The following HAUS5 variants were observed in gnomAD, a reference collection of about 807,000 sequenced individuals.
The protein encoded by HAUS5 is HAUS augmin like complex subunit 5.
Under a neutral mutation model 94.1 loss-of-function variants are expected in HAUS5, and 67 were observed. The ratio of observed to expected loss-of-function variants is 0.71; its 90% CI spans 0.58 to 0.87. HAUS5 has a LOEUF of 0.87. Ranked by LOEUF, HAUS5 falls within the 40% of genes least tolerant of loss-of-function variation. The pLI is 0.00. For missense variants in HAUS5, 739 were observed against 825.6 expected (o/e 0.90, Z 1.29); for synonymous variants, 339 against 355.4 (o/e 0.95, Z 0.52).
rs772084366 is a variant in HAUS5 at position 35,619,417 on chromosome 19, T to G, written c.1180-7T>G. The G allele has an allele frequency of 6.3e-7, 1 of 1,576,726 alleles. No individual in the cohort carries two copies. The highest frequency in any genetic ancestry group is 1.3e-5 in the African/African-American group (1 of 74,300). The stretch of plus-strand genomic sequence containing the variant: ...GGAGTGGGTCTCAGGGTATCCTGGT[T>G]CCTCAGGAGGAGACCCAGGAACAGG... On this transcript the variant is annotated splice_polypyrimidine_tract_variant and splice_region_variant and intron_variant, in intron 13 of 18. Coordinates refer to ENST00000203166, the MANE Select transcript of HAUS5 (RefSeq NM_015302.2).
At position 35,619,714 on chromosome 19, in the gene HAUS5, G is replaced by A; in HGVS notation, c.1362G>A (p.Leu454=). The change falls in exon 15 of 19, where the codon TTG becomes TTA. Residue 454 remains leucine, a synonymous_variant. Transcript: ENST00000203166. Reference sequence around the variant, plus strand: ...GTCTGGAGGAGGAAGTCCGGCATTTGCCCCACATTCTGTTGGGCACGCTGC... The same window carrying A: ...GTCTGGAGGAGGAAGTCCGGCATTTACCCCACATTCTGTTGGGCACGCTGC... ...LRCLEEEVRH[L]PHILLGTLLR... The A allele has an allele frequency of 6.4e-7, 1 of 1,569,470 alleles. No individual in the cohort carries two copies. The highest frequency in any genetic ancestry group is 8.6e-7 in the Non-Finnish European group (1 of 1,157,570).
intron 1 of HAUS5, 51 bp downstream of exon 1, chr19:35,612,943 C>G (rs2071908458): frequency 7.8e-7 from 1 of 1,277,418 alleles, no homozygotes; most frequent in Non-Finnish European, 1.1e-6. Flanking sequence ...ATTGAGTCTC[C>G]GGGAGTGAGA....
intron 12 of HAUS5, 32 bp downstream of exon 12, chr19:35,618,731 C>T (rs772540685): frequency 6.4e-7 from 1 of 1,552,126 alleles, no homozygotes; most frequent in South Asian, 1.2e-5. Flanking sequence ...GGTCTCTAGG[C>T]CATCTCGCTT....
At chr19:35,616,318 A>C (rs56383304) in intron 6 of HAUS5, among the ~76,000 whole-genome samples, 2 of 144,278 alleles carry the variant, frequency 1.4e-5, no homozygotes, top group Non-Finnish European at 3.1e-5. Flanking sequence ...AACTCTGTTT[A>C]AAAAAAAAAA....
At chr19:35,618,836 G>A (rs965908525) in intron 12 of HAUS5, 51 bp from the exon 13 acceptor site, 12 of 1,550,996 alleles carry the variant, frequency 7.7e-6, no homozygotes, top group Non-Finnish European at 8.7e-6. Flanking sequence ...ATGGTCCCTT[G>A]TGTGGCTCAG....
rs566081085 is a variant in HAUS5, at chr19:35,623,381, G to A, written c.*388G>A. The A allele has an allele frequency of 5.6e-6, 1 of 179,522 alleles. No individual in the cohort carries two copies. The highest frequency in any genetic ancestry group is 1.1e-4 in the South Asian group (1 of 9,170). 11.1% of individuals were successfully genotyped at this position (179,522 alleles called of 1,614,324 possible). A position where few individuals can be genotyped will look rare whatever the true frequency, so the allele number is the denominator to read the frequency against. ...ATGCTGCAAGTTAACTGCTGTGTGG[G>A]AAATCCAGCAGGGGGTGGGATGTGT... is the stretch of plus-strand genomic sequence containing the variant. On this transcript the variant is annotated 3_prime_UTR_variant, in exon 19 of 19. Transcript: ENST00000203166.
chr19:35,618,524 T>C (rs1221011779), intron 11 of HAUS5, 45 bp from the exon 12 acceptor site: 12 of 1,612,978 alleles, frequency 7.4e-6, no homozygotes, highest in African/African-American at 1.3e-5. Flanking sequence ...CCCTCACCCA[T>C]GGATCATGCC....
intron 4 of HAUS5, 52 bp downstream of exon 4, chr19:35,614,111 A>G: frequency 6.5e-7 from 1 of 1,544,730 alleles, no homozygotes; most frequent in Non-Finnish European, 9.0e-7. Context: ...TGACTTGTAG[A>G]TCTTCTGCTC....
At position 35,620,308 on chromosome 19, in the gene HAUS5, G is replaced by T. The variant is rs755197829; in HGVS notation, c.1632G>T (p.Pro544=). The change falls in exon 17 of 19, where the codon CCG becomes CCT. Residue 544 remains proline, a synonymous_variant. Coordinates refer to ENST00000203166, the MANE Select transcript of HAUS5 (RefSeq NM_015302.2). The stretch of plus-strand genomic sequence containing the variant: ...TACTCCACATGAAGACCAGCCTGCC[G>T]CCAGGCCTTCCCACCCAGGGTAGGT... ...WDLLHMKTSL[P]PGLPTQELLQ... is the part of the protein sequence containing the mutation. The T allele has an allele frequency of 6.2e-7, 1 of 1,612,740 alleles. No individual in the cohort carries two copies. Among genetic ancestry groups the T allele is most frequent in the South Asian group, 1.1e-5 (1 of 90,972 alleles).
chr19:35,622,984 G>C lies in HAUS5; in HGVS notation c.1893G>C (p.Leu631=), dbSNP rs1374100127. 5.0e-6 allele frequency: 8 copies of C among 1,605,758 alleles called. No individual in the cohort carries two copies. In the African/African-American group the frequency reaches 6.7e-5, roughly 13 times the overall value. The change falls in exon 19 of 19, where the codon CTG becomes CTC. Residue 631 remains leucine (L), a synonymous_variant. Coordinates refer to ENST00000203166, the MANE Select transcript of HAUS5 (RefSeq NM_015302.2). ...WVQAQGALQK[L]CS ...AGGCCCAGGGGGCCCTGCAGAAGCT[G>C]TGCAGCTGAAGAGAGGGTTCAAACG...
chr19:35,620,435 G>T, intron 17 of HAUS5, 108 bp downstream of exon 17: 1 of 965,088 alleles, frequency 1.0e-6, no homozygotes, highest in Non-Finnish European at 1.5e-6. Flanking sequence ...CCCATTGTGT[G>T]CTAAGGGCTT....
intron 9 of HAUS5, 52 bp from the exon 10 acceptor site, chr19:35,618,019 A>T: frequency 6.3e-7 from 1 of 1,594,146 alleles, no homozygotes; most frequent in Non-Finnish European, 8.6e-7. Context: ...ATGGGGTCTC[A>T]GCTCACAGCC....
In HAUS5 at chr19:35,612,802, T is replaced by C. The variant is rs1008063144; in HGVS notation, c.8T>C (p.Leu3Pro). 1.6e-4 allele frequency: 253 copies of C among 1,546,844 alleles called. 1 individual carries two copies. In the East Asian group the frequency reaches 6.2e-3, roughly 38 times the overall value. ...CGCCGCCGCGGCGCTGTCATGGAGC[T>C]AGCGCAGGAAGCGCGGGAACTGGGT... ME[L>P]AQEARELGCW... Residue 3 changes from leucine to proline, a missense_variant, in exon 1 of 19, where the codon CTA becomes CCA. Leu to Pro is a moderately conservative substitution (Grantham distance 98). Transcript: ENST00000203166.
rs765660968 is a variant in HAUS5, at chr19:35,620,272, G to T, written c.1596G>T (p.Trp532Cys). 5.0e-6 allele frequency: 8 copies of T among 1,613,718 alleles called. No homozygotes were observed. In the South Asian group the frequency reaches 8.8e-5, roughly 18 times the overall value. Residue 532 changes from tryptophan (W) to cysteine (C), a missense_variant, in exon 17 of 19, where the codon TGG (tryptophan) becomes TGT (cysteine). Transcript: ENST00000203166. ...TCCTGCAGGACCAGCGGAGCCTCTG[G>T]TGCTGGGATCTACTCCACATGAAGA... ...LLLLQDQRSL[W>C]CWDLLHMKTS...
chr19:35,614,356 A>T (rs1337397086), intron 4 of HAUS5: 1 of 432,800 alleles, frequency 2.3e-6, no homozygotes, highest in Non-Finnish European at 4.2e-6. Context: ...GTGGTTTGGG[A>T]GGCGGATCAC....
intron 6 of HAUS5, among the ~76,000 whole-genome samples, chr19:35,616,333 G>A (rs1323574267): frequency 6.6e-6 from 1 of 151,676 alleles, no homozygotes; most frequent in African/African-American, 2.4e-5. Context: ...AAAAAAAATT[G>A]GGTGACCTTG....
intron 14 of HAUS5, 26 bp from the exon 15 acceptor site, chr19:35,619,587 C>A: frequency 6.8e-7 from 1 of 1,463,070 alleles, no homozygotes; most frequent in Non-Finnish European, 9.5e-7. Context: ...TTGTGATGCC[C>A]CACCCACCCC....
chr19:35,623,043 C>A lies in HAUS5; in HGVS notation c.*50C>A. The A allele has an allele frequency of 1.7e-6, 2 of 1,184,798 alleles. No homozygotes were observed. Among genetic ancestry groups the A allele is most frequent in the Non-Finnish European group, 1.2e-6 (1 of 811,424 alleles). 73.4% of individuals were successfully genotyped at this position (1,184,798 alleles called of 1,614,324 possible). A position where few individuals can be genotyped will look rare whatever the true frequency, so the allele number is the denominator to read the frequency against. ...GAACTTGACACTGTTCACCCCAACA[C>A]CTCACCTCCCCCAGGACATTTGGAA... On this transcript the variant is annotated 3_prime_UTR_variant, in exon 19 of 19. Coordinates refer to ENST00000203166, the MANE Select transcript of HAUS5 (RefSeq NM_015302.2).
In HAUS5 at chr19:35,617,274, C is replaced by G; in HGVS notation, c.556-13C>G. 6.2e-7 allele frequency: 1 copy of G among 1,611,850 alleles called. No homozygotes were observed. Among genetic ancestry groups the G allele is most frequent in the South Asian group, 1.1e-5 (1 of 91,060 alleles). On this transcript the variant is annotated splice_polypyrimidine_tract_variant and intron_variant, in intron 7 of 18. Coordinates refer to ENST00000203166, the MANE Select transcript of HAUS5 (RefSeq NM_015302.2). ...AGGGTCCCCCTCAGGTCCCTTCCTC[C>G]TCTTCTCCCTAGCGTGATGTCCGAA...
Sources: allele counts gnomAD v4.1 joint callset (sites outside exome capture counted in the v4.1 genomes callset), GRCh38; gene constraint gnomAD v4.1.1; transcripts MANE v1.5; gene names NCBI Gene and HGNC (gene_info 2026-07-23, HGNC 2026-07-21).